The following NTNG1 variants were observed in gnomAD, a reference collection of about 807,000 sequenced individuals.
The protein encoded by NTNG1 is netrin-G1.
A neutral mutation model predicts 54.0 loss-of-function variants in NTNG1; 16 were observed. That is an observed-to-expected ratio of 0.30 (90% CI 0.20 to 0.45). The LOEUF is 0.45. Ranked by LOEUF, NTNG1 falls within the 20% of genes least tolerant of loss-of-function variation. NTNG1 has a pLI of 1.00. For synonymous variants in NTNG1, 255 were observed against 263.1 expected (o/e 0.97, Z 0.30); for missense variants, 530 against 678.7 (o/e 0.78, Z 2.43).
chr1:107,233,433 A>T (rs187449821), intron 2 of NTNG1, among the ~76,000 whole-genome samples: 88 of 152,350 alleles, frequency 5.8e-4, no homozygotes, highest in African/African-American at 2.0e-3. Flanking sequence ...TTCAGTAAAC[A>T]ACCTTGATTT....
chr1:107,170,658 T>C (rs987022012), intron 2 of NTNG1, among the ~76,000 whole-genome samples: 10 of 152,112 alleles, frequency 6.6e-5, no homozygotes, highest in African/African-American at 2.2e-4. Context: ...GATTATTTGG[T>C]ATTTATATGT....
chr1:107,468,332 A>T (rs1677736853), intron 7 of NTNG1, among the ~76,000 whole-genome samples: 1 of 152,208 alleles, frequency 6.6e-6, no homozygotes, highest in Admixed American at 6.5e-5. Flanking sequence ...CAAAGTGCTC[A>T]AAGGCATTGA....
intron 2 of NTNG1, among the ~76,000 whole-genome samples, chr1:107,149,175 A>G (rs1654368689): frequency 6.6e-6 from 1 of 152,210 alleles, no homozygotes; most frequent in Non-Finnish European, 1.5e-5. Context: ...ATTAGGTCAT[A>G]TCTGTCATGT....
At chr1:107,166,203 A>T (rs1354483266) in intron 2 of NTNG1, among the ~76,000 whole-genome samples, 1 of 152,186 alleles carries the variant, frequency 6.6e-6, no homozygotes, top group Non-Finnish European at 1.5e-5. Flanking sequence ...AAAAAAGTAG[A>T]CTACTCTAAG....
Position 107,397,652 on chromosome 1 carries a change from T to C in NTNG1, c.1060+2326T>C, listed in dbSNP as rs74521142. 0.012 allele frequency among the ~76,000 whole-genome samples: 1,817 copies of C among 152,296 alleles called. 93 individuals carry two copies. The East Asian group carries it at 0.18, about 15-fold the overall frequency. On this transcript the variant is annotated intron_variant, in intron 4 of 7. Transcript: ENST00000370068. ...CACAAAATAAGCATTCAAAAAATAA[T>C]TTATTTTTAGTTTTTTTCATAAGAC... is the stretch of plus-strand genomic sequence containing the variant.
chr1:107,482,075 A>C lies in NTNG1; in HGVS notation c.*1235A>C, dbSNP rs1031695030. 3 of 123,968 alleles carry C rather than the reference A, an allele frequency of 2.4e-5. No individual in the cohort carries two copies. The highest frequency in any genetic ancestry group is 3.5e-5 in the Non-Finnish European group (2 of 56,700). The allele number at this position is 123,968 out of a possible 1,614,324, so 7.7% of individuals were successfully genotyped here. A position where few individuals can be genotyped will look rare whatever the true frequency, so the allele number is the denominator to read the frequency against. On this transcript the variant is annotated 3_prime_UTR_variant, in exon 8 of 8. Transcript: ENST00000370068. ...AACAGCAAAAAAAAAAAAAAAAAAA[A>C]AAAAAAATCTAAGTGATTGCCAAGA...
intron 3 of NTNG1, among the ~76,000 whole-genome samples, chr1:107,373,115 T>C (rs1671026987): frequency 6.6e-6 from 1 of 152,264 alleles, no homozygotes; most frequent in South Asian, 2.1e-4. Context: ...AAAGGTAATA[T>C]CTTGCTATTT....
intron 3 of NTNG1, among the ~76,000 whole-genome samples, chr1:107,347,094 T>G (rs1187126286): frequency 6.6e-6 from 1 of 151,938 alleles, no homozygotes; most frequent in Non-Finnish European, 1.5e-5. Flanking sequence ...TTCCTATCAC[T>G]TGATGGGCAT....
intron 2 of NTNG1, among the ~76,000 whole-genome samples, chr1:107,284,447 AT>A (rs1306147208): frequency 1.3e-5 from 2 of 152,098 alleles, no homozygotes; most frequent in African/African-American, 4.8e-5. Flanking sequence ...CAATAATGGT[AT>A]TTGGACTAAA....
intron 2 of NTNG1, among the ~76,000 whole-genome samples, chr1:107,206,040 T>TCATA (rs1263082335): frequency 6.6e-6 from 1 of 152,156 alleles, no homozygotes; most frequent in Non-Finnish European, 1.5e-5. Context: ...ATGAAGATTT[T>TCATA]CATAGTTTCC....
At chr1:107,369,648 C>T (rs1670804080) in intron 3 of NTNG1, among the ~76,000 whole-genome samples, 1 of 152,048 alleles carries the variant, frequency 6.6e-6, no homozygotes, top group Admixed American at 6.5e-5. Flanking sequence ...GATGCATATT[C>T]TTTGTCACAT....
chr1:107,299,857 T>C (rs1001221276), intron 2 of NTNG1, among the ~76,000 whole-genome samples: 10 of 151,014 alleles, frequency 6.6e-5, no homozygotes, highest in Admixed American at 5.3e-4. Context: ...TATACACACA[T>C]ACACACACAC....
chr1:107,145,866 C>T (rs1393407588), intron 1 of NTNG1, among the ~76,000 whole-genome samples: 1 of 152,002 alleles, frequency 6.6e-6, no homozygotes, highest in Non-Finnish European at 1.5e-5. Flanking sequence ...TCCTGGTATA[C>T]TTTAATGAGA....
At chr1:107,179,854 C>T (rs1656937567) in intron 2 of NTNG1, among the ~76,000 whole-genome samples, 1 of 152,110 alleles carries the variant, frequency 6.6e-6, no homozygotes, top group Admixed American at 6.6e-5. Flanking sequence ...CTTTTGGCTT[C>T]CTTTTCAAGA....
intron 3 of NTNG1, among the ~76,000 whole-genome samples, chr1:107,349,417 A>C (rs1669461764): frequency 6.6e-6 from 1 of 152,172 alleles, no homozygotes; most frequent in South Asian, 2.1e-4. Flanking sequence ...ACATACAAAG[A>C]ATGTATGTAG....
intron 2 of NTNG1, among the ~76,000 whole-genome samples, chr1:107,236,581 G>A (rs1351194105): frequency 2.0e-5 from 3 of 152,256 alleles, no homozygotes; most frequent in South Asian, 2.1e-4. Context: ...GGTTTATAAT[G>A]TCATATGATT....
At position 107,229,635 on chromosome 1, in the gene NTNG1, T is replaced by C. The variant is rs935901197; in HGVS notation, c.246+80796T>C. ...GTGTGTTGGGCTGCTCTGTGGGGAG[T>C]TGGGAAGCTGATTCCTGTAATATCT... On this transcript the variant is annotated intron_variant, in intron 2 of 7. Coordinates refer to ENST00000370068, the MANE Select transcript of NTNG1 (RefSeq NM_001113226.3). 5.3e-5 allele frequency among the ~76,000 whole-genome samples: 8 copies of C among 151,840 alleles called. 1 individual carries two copies. Among genetic ancestry groups the C allele is most frequent in the African/African-American group, 1.7e-4 (7 of 41,456 alleles).
intron 2 of NTNG1, among the ~76,000 whole-genome samples, chr1:107,179,764 A>G (rs975944086): frequency 6.6e-6 from 1 of 152,096 alleles, no homozygotes; most frequent in Non-Finnish European, 1.5e-5. Context: ...CCTCCGAAAT[A>G]TTAATGGAAT....
chr1:107,451,966 G>C (rs924881091), intron 7 of NTNG1, among the ~76,000 whole-genome samples: 1 of 152,090 alleles, frequency 6.6e-6, no homozygotes, highest in Admixed American at 6.6e-5. Flanking sequence ...GTCTATTCCA[G>C]CTCAGTAGCT....
Sources: allele counts gnomAD v4.1 joint callset (sites outside exome capture counted in the v4.1 genomes callset), GRCh38; gene constraint gnomAD v4.1.1; transcripts MANE v1.5; gene names NCBI Gene and HGNC (gene_info 2026-07-23, HGNC 2026-07-21).